Variants in MYB observed in about 807,000 individuals in gnomAD.
MYB encodes MYB proto-oncogene, transcription factor, also known as transcriptional activator Myb.
In MYB, 28 loss-of-function variants were observed where a neutral mutation model predicts 92.9. The ratio of observed to expected loss-of-function variants is 0.30; its 90% CI spans 0.22 to 0.41. The LOEUF is 0.41. MYB is among the 10% of genes least tolerant of loss of function. MYB has a pLI of 1.00. For synonymous variants in MYB, 295 were observed against 329.1 expected (o/e 0.90, Z 1.12); for missense variants, 679 against 929.3 (o/e 0.73, Z 3.50).
intron 5 of MYB, 51 bp from the exon 6 acceptor site, chr6:135,192,273 T>C: frequency 6.9e-7 from 1 of 1,439,828 alleles, no homozygotes; most frequent in South Asian, 1.1e-5. Flanking sequence ...TTCACTTTAA[T>C]CTGAATTGAA....
chr6:135,201,824 G>A lies in MYB; in HGVS notation c.2061+75G>A, dbSNP rs1778137079. 4 of 800,888 alleles carry A rather than the reference G, an allele frequency of 5.0e-6. No individual in the cohort carries two copies. In the African/African-American group the frequency reaches 5.4e-5, roughly 11 times the overall value. 49.6% of individuals were successfully genotyped at this position (800,888 alleles called of 1,614,324 possible). ...CATGAAATCCTGTGTGTGGCATAGG[G>A]CTGCTGCGGTTTCAGCACTCCCTCT... On this transcript the variant is annotated intron_variant, in intron 14 of 15. Coordinates refer to ENST00000341911, the MANE Select transcript of MYB (RefSeq NM_001130173.2).
intron 15 of MYB, among the ~76,000 whole-genome samples, chr6:135,214,763 C>T (rs1780204775): frequency 6.6e-6 from 1 of 152,154 alleles, no homozygotes; most frequent in African/African-American, 2.4e-5. Flanking sequence ...TAATTGGTTT[C>T]CTGTGTCAAT....
intron 6 of MYB, 90 bp downstream of exon 6, chr6:135,192,648 G>C: frequency 2.3e-6 from 3 of 1,276,692 alleles, no homozygotes; most frequent in Non-Finnish European, 3.4e-6. Context: ...ATACTTTTCA[G>C]AGAACTTTCC....
intron 1 of MYB, among the ~76,000 whole-genome samples, chr6:135,184,120 T>C (rs144826662): frequency 1.4e-4 from 22 of 152,184 alleles, no homozygotes; most frequent in African/African-American, 5.1e-4. Flanking sequence ...CTCTGAAAAA[T>C]GTGCTCAGTT....
intron 15 of MYB, among the ~76,000 whole-genome samples, chr6:135,204,338 G>T (rs968609762): frequency 1.3e-5 from 2 of 152,140 alleles, no homozygotes; most frequent in Non-Finnish European, 2.9e-5. Context: ...TTACCCGGTG[G>T]CCCAGGCTGG....
chr6:135,186,387 C>T (rs1340354376), intron 2 of MYB, among the ~76,000 whole-genome samples: 2 of 152,226 alleles, frequency 1.3e-5, no homozygotes, highest in Admixed American at 1.3e-4. Flanking sequence ...TCCTGTGATC[C>T]CATGCATGGG....
At chr6:135,183,502 G>A (rs1334985525) in intron 1 of MYB, among the ~76,000 whole-genome samples, 1 of 152,200 alleles carries the variant, frequency 6.6e-6, no homozygotes, top group African/African-American at 2.4e-5. Flanking sequence ...CATCAACCCT[G>A]AAATCAGCCT....
chr6:135,204,573 G>T (rs1479684478), intron 15 of MYB, among the ~76,000 whole-genome samples: 1 of 152,190 alleles, frequency 6.6e-6, no homozygotes, highest in East Asian at 1.9e-4. Context: ...ACAGTGCTGG[G>T]ATTACAGGTG....
chr6:135,212,223 A>AGTTTTT (rs1779804642), intron 15 of MYB, among the ~76,000 whole-genome samples: 1 of 16,896 alleles, frequency 5.9e-5, no homozygotes, highest in East Asian at 1.4e-3. Flanking sequence ...CTTTGGTTTT[A>AGTTTTT]CTTTTTTTTT....
rs574702809 is a variant in MYB, at chr6:135,189,743, T to G, written c.214-48T>G. ...TTCCTATTACAACAAAAAATTCACG[T>G]GCTTATCACATCATATCTTTATGGT... On this transcript the variant is annotated intron_variant, in intron 3 of 15. Coordinates refer to ENST00000341911, the MANE Select transcript of MYB (RefSeq NM_001130173.2). The G allele has an allele frequency of 4.0e-6, 6 of 1,511,716 alleles. No individual in the cohort carries two copies. The African/African-American group carries it at 8.3e-5, about 21-fold the overall frequency. The allele number at this position is 1,511,716 out of a possible 1,614,324, so 93.6% of individuals were successfully genotyped here.
At chr6:135,215,128 G>A (rs1780260946) in intron 15 of MYB, among the ~76,000 whole-genome samples, 1 of 152,186 alleles carries the variant, frequency 6.6e-6, no homozygotes, top group Non-Finnish European at 1.5e-5. Flanking sequence ...CAAGCTTTGT[G>A]CCCTAGGAAA....
intron 4 of MYB, 111 bp downstream of exon 4, chr6:135,189,994 T>G: frequency 7.2e-7 from 1 of 1,384,212 alleles, no homozygotes; most frequent in African/African-American, 1.4e-5. Flanking sequence ...AGTAGAGGAC[T>G]CTATTCCCAT....
Position 135,193,866 on chromosome 6 carries a change from C to T in MYB, c.791C>T (p.Ala264Val). The change falls in exon 7 of 16, where the codon GCG becomes GTG. Residue 264 changes from alanine to valine, a missense_variant. Ala to Val is a moderately conservative substitution (Grantham distance 64). Transcript: ENST00000341911. Reference protein sequence around the residue: ...NVSSHVPYPVALHVNIVNVPQ... With the variant: ...NVSSHVPYPVVLHVNIVNVPQ... The stretch of plus-strand genomic sequence containing the variant: ...TCCAGTCATGTTCCATACCCTGTAG[C>T]GTTACATGTAAATATAGTCAATGTC... 6.2e-7 allele frequency: 1 copy of T among 1,612,724 alleles called. No homozygotes were observed. The highest frequency in any genetic ancestry group is 8.5e-7 in the Non-Finnish European group (1 of 1,178,786).
chr6:135,182,893 C>G lies in MYB; in HGVS notation c.23+1357C>G, dbSNP rs1775294886. On this transcript the variant is annotated intron_variant, in intron 1 of 15. Coordinates refer to ENST00000341911, the MANE Select transcript of MYB (RefSeq NM_001130173.2). This position sits in a 1 kb window ranked among gnomAD's most constrained non-coding sequence, Gnocchi z 5.6. ...GGGACGAGAGGGCGACTTGGGGGAG[C>G]TCCGGGCTCCCTATGCCTACTCCGG... Among the ~76,000 whole-genome samples the G allele has an allele frequency of 6.6e-6, 1 of 151,976 alleles. No individual in the cohort carries two copies. Among genetic ancestry groups the G allele is most frequent in the Admixed American group, 6.5e-5 (1 of 15,270 alleles).
chr6:135,191,014 G>T (rs1029038809), intron 5 of MYB, among the ~76,000 whole-genome samples: 15 of 152,104 alleles, frequency 9.9e-5, no homozygotes, highest in Admixed American at 9.2e-4. Context: ...ACCCAGGCTG[G>T]TATCAAACTC....
At chr6:135,188,581 C>G (rs1028579813) in intron 3 of MYB, among the ~76,000 whole-genome samples, 1 of 150,816 alleles carries the variant, frequency 6.6e-6, no homozygotes, top group African/African-American at 2.4e-5. Context: ...ACGATCTCAG[C>G]TCACTGCAAC....
intron 15 of MYB, 172 bp downstream of exon 15, chr6:135,203,496 C>T (rs1468992864): frequency 3.0e-6 from 2 of 675,788 alleles, no homozygotes; most frequent in East Asian, 5.5e-5. Context: ...TAGAAAAATC[C>T]AATAATTCCT....
In MYB at chr6:135,187,841, A is replaced by G. The variant is rs762617064; in HGVS notation, c.149A>G (p.Lys50Arg). The change falls in exon 3 of 16, where the codon AAA becomes AGA. Residue 50 changes from lysine to arginine, a missense_variant. Physicochemically the swap from Lys to Arg is conservative, Grantham distance 26 (BLOSUM62 2). Around this residue, in one of 8 missense-constraint regions of MYB, gnomAD observed 88 missense variants for 145.6 expected, o/e 0.60. Coordinates refer to ENST00000341911, the MANE Select transcript of MYB (RefSeq NM_001130173.2). ...KTRWTREEDE[K>R]LKKLVEQNGT... is the part of the protein sequence containing the mutation. ...TACCTTTAAATGTCTTAGGATGAAAAACTGAAGAAGCTGGTGGAACAGAAT... is the reference window on the plus strand; with the variant it reads ...TACCTTTAAATGTCTTAGGATGAAAGACTGAAGAAGCTGGTGGAACAGAAT... 1 of 1,606,966 alleles carries G rather than the reference A, an allele frequency of 6.2e-7. No homozygotes were observed. The highest frequency in any genetic ancestry group is 1.1e-5 in the South Asian group (1 of 89,946).
chr6:135,211,425 G>A (rs1168389944), intron 15 of MYB, among the ~76,000 whole-genome samples: 1 of 151,922 alleles, frequency 6.6e-6, no homozygotes, highest in Non-Finnish European at 1.5e-5. Flanking sequence ...AGAATGCCCT[G>A]CCCCAGACAT....
Sources: allele counts gnomAD v4.1 joint callset (sites outside exome capture counted in the v4.1 genomes callset), GRCh38; gene constraint gnomAD v4.1.1; regional missense constraint gnomAD v4.1.1; non-coding constraint Gnocchi (gnomAD v3.1); transcripts MANE v1.5; gene names NCBI Gene and HGNC (gene_info 2026-07-23, HGNC 2026-07-21).